Variants in SLC2A11 observed in about 807,000 individuals in gnomAD.
SLC2A11 encodes the protein solute carrier family 2 member 11.
Under a neutral mutation model 52.1 loss-of-function variants are expected in SLC2A11, and 43 were observed. The ratio of observed to expected loss-of-function variants is 0.82; its 90% CI spans 0.65 to 1.06. SLC2A11 has a LOEUF of 1.06. Ranked by LOEUF, SLC2A11 falls within the 50% of genes least tolerant of loss-of-function variation. The probability of loss-of-function intolerance (pLI) is 0.00; values close to 1 mark genes in which losing one functional copy is unlikely to be tolerated. For missense variants in SLC2A11, 582 were observed against 654.2 expected (o/e 0.89, Z 1.20); for synonymous variants, 261 against 277.6 (o/e 0.94, Z 0.59).
At chr22:23,879,607 G>T (rs2032734450) in intron 6 of SLC2A11, 1 of 152,250 alleles carries the variant, frequency 6.6e-6, no homozygotes, top group Non-Finnish European at 1.5e-5. Context: ...ACCTGGGCCA[G>T]TGCATTCCTC....
Position 23,882,473 on chromosome 22 carries a change from C to T in SLC2A11, c.709C>T (p.Arg237Trp), listed in dbSNP as rs780966800. Residue 237 changes from arginine to tryptophan, a missense_variant, in exon 7 of 12, where the codon CGG becomes TGG. By Grantham distance (101) the Arg-to-Trp change is moderately radical. Transcript: ENST00000316185. ...CCCTGGCTCAGCACTACGGCGGCTC[C>T]GGGGCTCCGGGGACTTGGCAGGGGA... is the stretch of plus-strand genomic sequence containing the variant. ...EACLAALRRLRGSGDLAGELE... is the reference protein window; with the variant it reads ...EACLAALRRLWGSGDLAGELE... 1.8e-5 allele frequency: 28 copies of T among 1,547,342 alleles called. No individual in the cohort carries two copies. Among genetic ancestry groups the T allele is most frequent in the East Asian group, 2.4e-5 (1 of 41,102 alleles).
At chr22:23,860,120 TAA>T (rs938352109) in intron 1 of SLC2A11, among the ~76,000 whole-genome samples, 7 of 152,172 alleles carry the variant, frequency 4.6e-5, no homozygotes, top group Non-Finnish European at 8.8e-5. Flanking sequence ...ATTTTGTAAT[TAA>T]AAATCACAAA....
intron 1 of SLC2A11, among the ~76,000 whole-genome samples, chr22:23,858,387 C>A (rs376625209): frequency 7.9e-5 from 12 of 152,138 alleles, no homozygotes; most frequent in African/African-American, 2.9e-4. Flanking sequence ...CCTCTTTCCT[C>A]CTCATGCTCC....
chr22:23,872,402 CT>C (rs961645970), intron 3 of SLC2A11: 1 of 152,074 alleles, frequency 6.6e-6, no homozygotes, highest in Non-Finnish European at 1.5e-5. Flanking sequence ...AGTAGCTCAA[CT>C]TAAAAAGCTT....
intron 3 of SLC2A11, 99 bp from the exon 4 acceptor site, chr22:23,875,012 GTGTGTC>G (rs2146128693): frequency 7.8e-7 from 1 of 1,286,896 alleles, no homozygotes; most frequent in South Asian, 2.3e-5. Flanking sequence ...ACATTTGTGT[GTGTGTC>G]TAATTAAGGC....
chr22:23,877,924 C>T lies in SLC2A11; in HGVS notation c.694+55C>T. ...GCCCTTGACCAAGGGATGCATCTCC[C>T]CAGAGTATACGGGTCCCCATTTCAT... On this transcript the variant is annotated intron_variant, in intron 6 of 11. Transcript: ENST00000316185. The T allele has an allele frequency of 2.6e-6, 4 of 1,547,414 alleles. No homozygotes were observed. In the South Asian group the frequency reaches 5.0e-5, roughly 19 times the overall value.
chr22:23,860,180 G>A (rs1201203878), intron 1 of SLC2A11, among the ~76,000 whole-genome samples: 1 of 152,150 alleles, frequency 6.6e-6, no homozygotes, highest in Non-Finnish European at 1.5e-5. Context: ...TACCACTTTG[G>A]GAGGCCAAGG....
In SLC2A11 at chr22:23,884,925, C is replaced by G; in HGVS notation, c.*76C>G. 8.0e-7 allele frequency: 1 copy of G among 1,248,058 alleles called. No individual in the cohort carries two copies. The allele number at this position is 1,248,058 out of a possible 1,614,324, so 77.3% of individuals were successfully genotyped here. On this transcript the variant is annotated 3_prime_UTR_variant, in exon 12 of 12. Transcript: ENST00000316185. This position sits in a 1 kb window ranked among gnomAD's most constrained non-coding sequence, Gnocchi z 4.3. Reference sequence around the variant, plus strand: ...TCCTGCCAGGGCCCTGGTCCTCACTCCCTCCTGCATTCCTCATTTAAGGAG... The same window carrying G: ...TCCTGCCAGGGCCCTGGTCCTCACTGCCTCCTGCATTCCTCATTTAAGGAG...
At chr22:23,881,387 C>G (rs1290778703) in intron 6 of SLC2A11, 1 of 152,182 alleles carries the variant, frequency 6.6e-6, no homozygotes, top group Non-Finnish European at 1.5e-5. Flanking sequence ...TAGAAGTGAG[C>G]AAGGCCTCTT....
chr22:23,884,603 G>A lies in SLC2A11; in HGVS notation c.1300-46G>A. 1 of 1,584,502 alleles carries A rather than the reference G, an allele frequency of 6.3e-7. No individual in the cohort carries two copies. Among genetic ancestry groups the A allele is most frequent in the Non-Finnish European group, 8.6e-7 (1 of 1,164,792 alleles). ...ACCTGTCATGGGCCTTCTGTTTAGG[G>A]GTTGATGGAGACACACCAGGTCTTG... On this transcript the variant is annotated intron_variant, in intron 11 of 11. Transcript: ENST00000316185. This position sits in a 1 kb window ranked among gnomAD's most constrained non-coding sequence, Gnocchi z 4.3.
chr22:23,860,909 T>A (rs1325911011), intron 1 of SLC2A11, among the ~76,000 whole-genome samples: 1 of 147,112 alleles, frequency 6.8e-6, no homozygotes, highest in Non-Finnish European at 1.5e-5. Flanking sequence ...GCAGTGGCGC[T>A]ATCTCGGCTC....
At chr22:23,882,404 G>A in intron 6 of SLC2A11, 55 bp from the exon 7 acceptor site, 1 of 1,450,564 alleles carries the variant, frequency 6.9e-7, no homozygotes, top group South Asian at 1.4e-5. Flanking sequence ...TCCCTGTAGG[G>A]GGACCAAAGA....
upstream of SLC2A11, chr22:23,857,827 C>G: frequency 6.8e-7 from 1 of 1,477,762 alleles, no homozygotes; most frequent in Admixed American, 2.4e-5. Context: ...ACAGCTTCGT[C>G]TCGACGGGTT....
At chr22:23,861,985 C>T in intron 1 of SLC2A11, 119 bp from the exon 2 acceptor site, 5 of 843,846 alleles carry the variant, frequency 5.9e-6, no homozygotes, top group Non-Finnish European at 9.8e-6. Context: ...TCCTCATCTG[C>T]AAAGTGGAGA....
At chr22:23,880,281 A>G (rs2146139326) in intron 6 of SLC2A11, 1 of 151,414 alleles carries the variant, frequency 6.6e-6, no homozygotes, top group East Asian at 1.9e-4. Flanking sequence ...AAAAAAAAGA[A>G]AAGAAAAGAA....
intron 2 of SLC2A11, chr22:23,865,307 T>G (rs1214588880): frequency 6.6e-6 from 1 of 152,110 alleles, no homozygotes; most frequent in Non-Finnish European, 1.5e-5. Context: ...TCGCAGCTAC[T>G]TGGGAGGCTG....
chr22:23,857,108 T>C (rs2031860500), upstream of SLC2A11: 5 of 1,254,164 alleles, frequency 4.0e-6, no homozygotes, highest in Non-Finnish European at 5.6e-6. Context: ...CGTGCATAGA[T>C]GTGCACAACC....
At chr22:23,863,326 T>G (rs1183292045) in intron 2 of SLC2A11, among the ~76,000 whole-genome samples, 1 of 152,210 alleles carries the variant, frequency 6.6e-6, no homozygotes, top group East Asian at 1.9e-4. Flanking sequence ...TCCTCTCTCC[T>G]GCTGGTTTGC....
At chr22:23,878,076 G>C (rs1302695300) in intron 6 of SLC2A11, among the ~76,000 whole-genome samples, 2 of 152,190 alleles carry the variant, frequency 1.3e-5, no homozygotes, top group Admixed American at 1.3e-4. Context: ...GAATGGATCA[G>C]ACCTAGCCAC....
Sources: allele counts gnomAD v4.1 joint callset (sites outside exome capture counted in the v4.1 genomes callset), GRCh38; gene constraint gnomAD v4.1.1; non-coding constraint Gnocchi (gnomAD v3.1); transcripts MANE v1.5; gene names NCBI Gene and HGNC (gene_info 2026-07-23, HGNC 2026-07-21).